The following SDK1 variants were observed in gnomAD, a reference collection of about 807,000 sequenced individuals.
SDK1 encodes protein sidekick-1.
Under a neutral mutation model 245.5 loss-of-function variants are expected in SDK1, and 157 were observed. That is an observed-to-expected ratio of 0.64 (90% CI 0.56 to 0.73). The LOEUF is 0.73. SDK1 is among the 30% of genes least tolerant of loss of function. The probability of loss-of-function intolerance (pLI) is 0.00; values close to 1 mark genes in which losing one functional copy is unlikely to be tolerated. For missense variants in SDK1, 3,583 were observed against 3,002.3 expected (o/e 1.19, Z -4.52); for synonymous variants, 1,647 against 1,278.5 (o/e 1.29, Z -6.15).
chr7:3,443,627 G>A (rs899445799), intron 1 of SDK1, among the ~76,000 whole-genome samples: 1 of 152,172 alleles, frequency 6.6e-6, no homozygotes, highest in Non-Finnish European at 1.5e-5. Context: ...GCATTAATTG[G>A]AGCCACACTA....
intron 4 of SDK1, among the ~76,000 whole-genome samples, chr7:3,662,174 A>G (rs928188362): frequency 1.3e-5 from 2 of 152,118 alleles, no homozygotes; most frequent in East Asian, 1.9e-4. Flanking sequence ...TATTCGAACA[A>G]AAGTCCAAAT....
At chr7:3,770,537 G>C (rs527478601) in intron 4 of SDK1, among the ~76,000 whole-genome samples, 3 of 152,314 alleles carry the variant, frequency 2.0e-5, no homozygotes, top group Non-Finnish European at 4.4e-5. Context: ...TTGCTTTCCA[G>C]AGTGCCTGTA....
At chr7:3,601,859 G>A (rs1322299256) in intron 1 of SDK1, among the ~76,000 whole-genome samples, 1 of 135,968 alleles carries the variant, frequency 7.4e-6, no homozygotes, top group South Asian at 2.4e-4. Context: ...CCCAGTGTGT[G>A]ATGTTCCCCT....
chr7:3,493,665 T>C (rs112678676), intron 1 of SDK1, among the ~76,000 whole-genome samples: 52 of 152,352 alleles, frequency 3.4e-4, no homozygotes, highest in African/African-American at 1.2e-3. Context: ...TTTGCAATGC[T>C]AGGCCTTCTC....
chr7:3,564,414 A>T (rs564555251), intron 1 of SDK1, among the ~76,000 whole-genome samples: 2 of 152,196 alleles, frequency 1.3e-5, no homozygotes, highest in Admixed American at 1.3e-4. Context: ...GCTTGAACCC[A>T]GGAGGCTGAG....
intron 32 of SDK1, among the ~76,000 whole-genome samples, chr7:4,163,094 C>G (rs1345842656): frequency 1.3e-5 from 2 of 152,174 alleles, no homozygotes; most frequent in Non-Finnish European, 2.9e-5. Flanking sequence ...AGCACGAGGG[C>G]AGAGTCAAAG....
rs909357136 is a variant in SDK1, at chr7:3,992,478, G to C, written c.2131+5156G>C. 5.3e-5 allele frequency among the ~76,000 whole-genome samples: 8 copies of C among 152,316 alleles called. No homozygotes were observed. The South Asian group carries it at 6.2e-4, about 12-fold the overall frequency. On this transcript the variant is annotated intron_variant, in intron 14 of 44. Coordinates refer to ENST00000404826, the MANE Select transcript of SDK1 (RefSeq NM_152744.4). ...TTGAGGAGGGCAGAGGGTCAGGCCA[G>C]GTGGCGGATGAGGGAAGCCTGGGGG...
intron 14 of SDK1, among the ~76,000 whole-genome samples, chr7:3,996,095 C>G (rs1466028555): frequency 2.0e-5 from 3 of 152,098 alleles, no homozygotes; most frequent in Non-Finnish European, 4.4e-5. Flanking sequence ...GTGTTATATA[C>G]TCTGGCACAC....
chr7:3,715,075 A>C (rs1209986874), intron 4 of SDK1, among the ~76,000 whole-genome samples: 1 of 152,180 alleles, frequency 6.6e-6, no homozygotes, highest in Non-Finnish European at 1.5e-5. Flanking sequence ...ATGATGGCTT[A>C]AAATCTGTTA....
rs751233451 is a variant in SDK1 at position 4,210,160 on chromosome 7, A to G, written c.5537A>G (p.Gln1846Arg). The G allele has an allele frequency of 2.7e-5, 42 of 1,560,616 alleles. No individual in the cohort carries two copies. The highest frequency in any genetic ancestry group is 3.6e-5 in the Non-Finnish European group (42 of 1,156,556). The change falls in exon 38 of 45, where the codon CAA (glutamine) becomes CGA (arginine). Residue 1846 changes from glutamine (Q) to arginine (R), a missense_variant and splice_region_variant. Coordinates refer to ENST00000404826, the MANE Select transcript of SDK1 (RefSeq NM_152744.4). ...RVVYEPLAPV[Q>R]GVSKVVTVEV... The stretch of plus-strand genomic sequence containing the variant: ...GTGTACGAGCCCTTGGCCCCTGTAC[A>G]AGGTAAGACCCGGGGTTGGGGAGAT...
intron 4 of SDK1, among the ~76,000 whole-genome samples, chr7:3,696,038 T>A (rs1039701124): frequency 6.6e-6 from 1 of 152,174 alleles, no homozygotes; most frequent in Admixed American, 6.5e-5. Context: ...TCTCAGCCTC[T>A]TCTCCGCGTT....
At chr7:3,873,596 A>G (rs1026831741) in intron 5 of SDK1, among the ~76,000 whole-genome samples, 4 of 151,822 alleles carry the variant, frequency 2.6e-5, no homozygotes, top group African/African-American at 9.7e-5. Flanking sequence ...AGGCTGTTTG[A>G]TATTCTTCCA....
chr7:3,907,562 T>C (rs902573571), intron 5 of SDK1, among the ~76,000 whole-genome samples: 16 of 152,236 alleles, frequency 1.1e-4, no homozygotes, highest in African/African-American at 3.9e-4. Context: ...TTGTGAATAA[T>C]GCTGCAGTGA....
At chr7:3,611,943 C>G (rs1781607452) in intron 1 of SDK1, among the ~76,000 whole-genome samples, 1 of 152,098 alleles carries the variant, frequency 6.6e-6, no homozygotes, top group African/African-American at 2.4e-5. Flanking sequence ...TAATGGCATT[C>G]ACAGCTACCT....
chr7:3,800,747 G>C (rs546443054), intron 4 of SDK1, among the ~76,000 whole-genome samples: 29 of 152,100 alleles, frequency 1.9e-4, no homozygotes, highest in Admixed American at 4.6e-4. Flanking sequence ...TTTTCGTCTG[G>C]ATCACTCCTA....
chr7:4,117,146 C>T (rs1053003470), intron 25 of SDK1, among the ~76,000 whole-genome samples: 2 of 152,202 alleles, frequency 1.3e-5, no homozygotes, highest in Non-Finnish European at 2.9e-5. Context: ...CCAACAAAAA[C>T]TTATGGATAA....
At chr7:4,064,965 T>C (rs1779774232) in intron 19 of SDK1, among the ~76,000 whole-genome samples, 1 of 152,026 alleles carries the variant, frequency 6.6e-6, no homozygotes, top group Non-Finnish European at 1.5e-5. Flanking sequence ...AAACATTCAG[T>C]TAAACAGAAG....
At chr7:4,102,554 T>G (rs1371307850) in intron 22 of SDK1, among the ~76,000 whole-genome samples, 1 of 152,158 alleles carries the variant, frequency 6.6e-6, no homozygotes, top group Non-Finnish European at 1.5e-5. Flanking sequence ...CCTCTCCATG[T>G]GCAGAATTAC....
In SDK1 at chr7:3,892,725, G is replaced by T. The variant is rs764281038; in HGVS notation, c.848-58198G>T. ...CAGTGTGACAATGAACCCTGAGACC[G>T]GAGGCCCTCCAGTCCAGGTGGACAT... On this transcript the variant is annotated intron_variant, in intron 5 of 44. Coordinates refer to ENST00000404826, the MANE Select transcript of SDK1 (RefSeq NM_152744.4). Among the ~76,000 whole-genome samples the T allele has an allele frequency of 4.6e-5, 7 of 152,278 alleles. No homozygotes were observed. The East Asian group carries it at 1.2e-3, about 25-fold the overall frequency.
Sources: allele counts gnomAD v4.1 joint callset (sites outside exome capture counted in the v4.1 genomes callset), GRCh38; gene constraint gnomAD v4.1.1; transcripts MANE v1.5; gene names NCBI Gene and HGNC (gene_info 2026-07-23, HGNC 2026-07-21).